FGF14: variants seen among roughly 807,000 people sequenced by gnomAD.
The protein encoded by FGF14 is fibroblast growth factor homologous factor 4.
Under a neutral mutation model 25.5 loss-of-function variants are expected in FGF14, and 5 were observed. That is an observed-to-expected ratio of 0.20 (90% CI 0.10 to 0.41). FGF14 has a LOEUF of 0.41. Among genes scored for constraint, FGF14 ranks in the 10% least tolerant of loss-of-function variants. The pLI is 1.00. For synonymous variants in FGF14, 138 were observed against 118.3 expected (o/e 1.17, Z -1.08); for missense variants, 222 against 320.1 (o/e 0.69, Z 2.34).
At chr13:102,050,557 A>G (rs1298287962) in intron 1 of FGF14, among the ~76,000 whole-genome samples, 1 of 152,192 alleles carries the variant, frequency 6.6e-6, no homozygotes, top group Non-Finnish European at 1.5e-5. Context: ...AAACAAAATT[A>G]ATTAATAAAT....
At chr13:101,767,044 A>G (rs764895687) in intron 3 of FGF14, among the ~76,000 whole-genome samples, 1 of 152,212 alleles carries the variant, frequency 6.6e-6, no homozygotes, top group Non-Finnish European at 1.5e-5. Context: ...TTATTCTCTC[A>G]ATTTATATTG....
chr13:102,345,969 T>C (rs1186574318), intron 1 of FGF14, among the ~76,000 whole-genome samples: 2 of 152,204 alleles, frequency 1.3e-5, no homozygotes, highest in Non-Finnish European at 2.9e-5. Flanking sequence ...GGAGAGTTAC[T>C]ATAATGGTAA....
At chr13:102,120,520 A>G (rs905023785) in intron 1 of FGF14, among the ~76,000 whole-genome samples, 8 of 152,088 alleles carry the variant, frequency 5.3e-5, no homozygotes, top group African/African-American at 1.7e-4. Context: ...ACTAGAAGAG[A>G]AAGTAATTTT....
intron 1 of FGF14, among the ~76,000 whole-genome samples, chr13:102,215,820 C>T (rs1282992445): frequency 6.6e-6 from 1 of 152,136 alleles, no homozygotes; most frequent in African/African-American, 2.4e-5. Context: ...GGAATAGGGA[C>T]GACGCTATGT....
intron 3 of FGF14, among the ~76,000 whole-genome samples, chr13:101,770,458 A>G (rs1327987545): frequency 1.3e-5 from 2 of 152,174 alleles, no homozygotes; most frequent in East Asian, 1.9e-4. Flanking sequence ...TCATTTAATG[A>G]TTAATAAAAT....
chr13:101,872,223 A>AACCCATG (rs2045134729), intron 2 of FGF14, among the ~76,000 whole-genome samples: 1 of 151,698 alleles, frequency 6.6e-6, no homozygotes, highest in African/African-American at 2.4e-5. Flanking sequence ...ATGGATAACT[A>AACCCATG]ACCCATGGTT....
Position 101,916,527 on chromosome 13 carries a change from C to G in FGF14, c.119G>C (p.Cys40Ser). The change falls in exon 1 of 5, where the codon TGC becomes TCC. Residue 40 changes from cysteine (C) to serine (S), a missense_variant. By Grantham distance (112) the Cys-to-Ser change is moderately radical (BLOSUM62 -1). Coordinates refer to ENST00000376143, the MANE Select transcript of FGF14 (RefSeq NM_004115.4). ...RSSPSKNRGL[C>S]NGNLVDIFSK... is the part of the protein sequence containing the mutation. Reference sequence around the variant, plus strand: ...GAAGATATCCACCAGGTTGCCGTTGCAGAGCCCGCGGTTCTTGCTGGGGCT... The same window carrying G: ...GAAGATATCCACCAGGTTGCCGTTGGAGAGCCCGCGGTTCTTGCTGGGGCT... 1.2e-6 allele frequency: 2 copies of G among 1,613,790 alleles called. No homozygotes were observed. Among genetic ancestry groups the G allele is most frequent in the Non-Finnish European group, 1.7e-6 (2 of 1,179,938 alleles).
chr13:102,023,604 C>T (rs930959248), intron 1 of FGF14, among the ~76,000 whole-genome samples: 1 of 152,060 alleles, frequency 6.6e-6, no homozygotes, highest in Non-Finnish European at 1.5e-5. Context: ...TCTTAATCTT[C>T]CCTTTCCCCA....
chr13:102,027,559 TAAAAG>T (rs1039462557), intron 1 of FGF14, among the ~76,000 whole-genome samples: 4 of 152,090 alleles, frequency 2.6e-5, no homozygotes, highest in South Asian at 2.1e-4. Flanking sequence ...ATTCCACACA[TAAAAG>T]AAATGTCAAA....
intron 1 of FGF14, among the ~76,000 whole-genome samples, chr13:102,126,266 G>C (rs937704934): frequency 3.9e-5 from 6 of 152,052 alleles, no homozygotes; most frequent in Admixed American, 1.3e-4. Context: ...ATCTACTTTA[G>C]GTCTCTATGA....
chr13:102,399,558 G>C (rs899930009), intron 1 of FGF14, among the ~76,000 whole-genome samples: 1 of 152,188 alleles, frequency 6.6e-6, no homozygotes, highest in African/African-American at 2.4e-5. Context: ...ATGTAAGTTG[G>C]TTTTGTATGA....
chr13:101,852,332 AC>A (rs1255997620), intron 3 of FGF14, among the ~76,000 whole-genome samples: 1 of 152,140 alleles, frequency 6.6e-6, no homozygotes, highest in Non-Finnish European at 1.5e-5. Flanking sequence ...ATTCCTAATT[AC>A]CCACAAGCAT....
intron 1 of FGF14, among the ~76,000 whole-genome samples, chr13:101,935,565 C>G (rs1205513572): frequency 6.6e-6 from 1 of 152,196 alleles, no homozygotes; most frequent in Non-Finnish European, 1.5e-5. Context: ...TCTGGCATTT[C>G]CCCTGCTTGC....
At chr13:102,343,615 CAG>C (rs1264831282) in intron 1 of FGF14, among the ~76,000 whole-genome samples, 2 of 152,192 alleles carry the variant, frequency 1.3e-5, no homozygotes, top group African/African-American at 4.8e-5. Flanking sequence ...ATATTACAGA[CAG>C]TCATATGCGA....
chr13:102,120,673 C>G (rs1042139531), intron 1 of FGF14, among the ~76,000 whole-genome samples: 2 of 151,572 alleles, frequency 1.3e-5, no homozygotes, highest in Non-Finnish European at 2.9e-5. Flanking sequence ...CACAGCATAG[C>G]CTTGCGGCTC....
rs188174035 is a variant in FGF14 at position 101,842,975 on chromosome 13, T to C, written c.408+25750A>G. 4.2e-4 allele frequency among the ~76,000 whole-genome samples: 64 copies of C among 152,158 alleles called. 1 individual carries two copies. In the East Asian group the frequency reaches 0.01, roughly 24 times the overall value. Reference sequence around the variant, plus strand: ...GTCCTGGCCAAACTCGGACAAACGATCATCCTAACGACTGTTCGTCTATAC... The same window carrying C: ...GTCCTGGCCAAACTCGGACAAACGACCATCCTAACGACTGTTCGTCTATAC... On this transcript the variant is annotated intron_variant, in intron 3 of 4. Transcript: ENST00000376143.
chr13:102,070,426 T>C (rs2043108795), intron 1 of FGF14, among the ~76,000 whole-genome samples: 1 of 152,182 alleles, frequency 6.6e-6, no homozygotes, highest in Non-Finnish European at 1.5e-5. Context: ...TTGTACACTG[T>C]TGGTGGGAAT....
At chr13:102,038,797 C>T (rs1926011) in intron 1 of FGF14, among the ~76,000 whole-genome samples, 82,791 of 151,804 alleles carry the variant, frequency 0.55, 25,696 homozygotes, top group African/African-American at 0.84. Flanking sequence ...AAATATACAT[C>T]CTATTATATT....
At chr13:102,016,836 C>T (rs936759519) in intron 1 of FGF14, 1 of 152,332 alleles carries the variant, frequency 6.6e-6, no homozygotes, top group African/African-American at 2.4e-5. Context: ...CTGTGCTTCT[C>T]TGTTACTGCC....
Sources: allele counts gnomAD v4.1 joint callset (sites outside exome capture counted in the v4.1 genomes callset), GRCh38; gene constraint gnomAD v4.1.1; transcripts MANE v1.5; gene names NCBI Gene and HGNC (gene_info 2026-07-23, HGNC 2026-07-21).